The following IQCM variants were observed in gnomAD, a reference collection of about 807,000 sequenced individuals.
IQCM encodes the protein IQ domain-containing protein M.
Under a neutral mutation model 57.6 loss-of-function variants are expected in IQCM, and 45 were observed. That is an observed-to-expected ratio of 0.78 (90% confidence interval 0.62 to 1.00). The LOEUF (loss-of-function observed/expected upper bound fraction) is 1.00, where lower values mean the gene tolerates loss of function less well. Ranked by LOEUF, IQCM falls within the 50% of genes least tolerant of loss-of-function variation. IQCM has a pLI of 0.00. For missense variants in IQCM, 468 were observed against 511.6 expected (o/e 0.91, Z 0.82); for synonymous variants, 148 against 158.9 (o/e 0.93, Z 0.51).
At chr4:149,671,619 C>T (rs923008199) in intron 7 of IQCM, among the ~76,000 whole-genome samples, 74 of 152,158 alleles carry the variant, frequency 4.9e-4, no homozygotes, top group Non-Finnish European at 9.8e-4. Context: ...GCATTTAGTG[C>T]TATAAATTTC....
intron 7 of IQCM, among the ~76,000 whole-genome samples, chr4:149,659,119 C>T (rs10006050): frequency 0.62 from 94,552 of 151,772 alleles, 31,996 homozygotes; most frequent in African/African-American, 0.9. Flanking sequence ...ATTTTGTTGA[C>T]GCTTTCAAAA....
rs1223850092 is a variant in IQCM, at chr4:149,776,261, A to C, written c.-48-33522T>G. On this transcript the variant is annotated intron_variant, in intron 2 of 13. Transcript: ENST00000636793. The stretch of plus-strand genomic sequence containing the variant: ...GGCACACAATGCTTTGTAGTTTACT[A>C]AGTTGTTTCAAAAATCTATTTTCTT... Among the ~76,000 whole-genome samples the C allele has an allele frequency of 2.6e-5, 4 of 152,196 alleles. No individual in the cohort carries two copies. In the East Asian group the frequency reaches 7.7e-4, roughly 29 times the overall value.
intron 3 of IQCM, among the ~76,000 whole-genome samples, chr4:149,737,039 A>C (rs1021385754): frequency 1.3e-5 from 2 of 152,208 alleles, no homozygotes; most frequent in Non-Finnish European, 2.9e-5. Flanking sequence ...ACTACGGATA[A>C]ATTTCAAAAA....
At chr4:149,631,514 A>T (rs1757262514) in intron 7 of IQCM, among the ~76,000 whole-genome samples, 1 of 152,174 alleles carries the variant, frequency 6.6e-6, no homozygotes, top group African/African-American at 2.4e-5. Flanking sequence ...TTCCTCAACA[A>T]CAAAAGTTAT....
intron 5 of IQCM, among the ~76,000 whole-genome samples, chr4:149,728,734 T>C (rs1561206964): frequency 6.6e-6 from 1 of 152,318 alleles, no homozygotes. Flanking sequence ...ACAAGTTTGA[T>C]GAGCATCTAT....
Position 149,707,467 on chromosome 4 carries a change from G to C in IQCM, c.386-20999C>G, listed in dbSNP as rs558217905. Among the ~76,000 whole-genome samples the C allele has an allele frequency of 2.6e-5, 4 of 152,102 alleles. No individual in the cohort carries two copies. The East Asian group carries it at 7.7e-4, about 29-fold the overall frequency. ...AAATCATACTGGGTCTGCCACGAAT[G>C]TGAGGCTCTGGACACTCTTTGCTCT... On this transcript the variant is annotated intron_variant, in intron 5 of 13. Transcript: ENST00000636793.
At chr4:149,780,873 T>C (rs1346685498) in intron 2 of IQCM, among the ~76,000 whole-genome samples, 1 of 152,182 alleles carries the variant, frequency 6.6e-6, no homozygotes, top group East Asian at 1.9e-4. Flanking sequence ...TAAAATGGAA[T>C]GTATTAAATG....
At chr4:149,461,191 C>T (rs1738241786) in intron 12 of IQCM, among the ~76,000 whole-genome samples, 2 of 147,710 alleles carry the variant, frequency 1.4e-5, no homozygotes, top group South Asian at 2.1e-4. Flanking sequence ...CAAGATCGTG[C>T]CATTGCACTC....
intron 5 of IQCM, among the ~76,000 whole-genome samples, chr4:149,695,711 T>G (rs114859029): frequency 6.6e-6 from 1 of 152,030 alleles, no homozygotes; most frequent in Non-Finnish European, 1.5e-5. Context: ...TAATACATAA[T>G]AGATGAGATA....
chr4:149,709,443 T>A (rs1299193771), intron 5 of IQCM, among the ~76,000 whole-genome samples: 1 of 152,094 alleles, frequency 6.6e-6, no homozygotes, highest in African/African-American at 2.4e-5. Flanking sequence ...TATATACTCT[T>A]TTGAGTCTTT....
At chr4:149,729,843 A>C (rs568294445) in intron 5 of IQCM, among the ~76,000 whole-genome samples, 1 of 152,236 alleles carries the variant, frequency 6.6e-6, no homozygotes, top group South Asian at 2.1e-4. Context: ...TTTTTGCTGC[A>C]ATGTTAAGTA....
At chr4:149,746,405 T>C (rs1767941077) in intron 2 of IQCM, among the ~76,000 whole-genome samples, 1 of 152,210 alleles carries the variant, frequency 6.6e-6, no homozygotes. Flanking sequence ...CATTTCATTC[T>C]GGGACTGCTG....
intron 2 of IQCM, among the ~76,000 whole-genome samples, chr4:149,798,912 T>C (rs1773357407): frequency 6.6e-6 from 1 of 151,936 alleles, no homozygotes; most frequent in Admixed American, 6.6e-5. Context: ...ACGTTAAGCA[T>C]TGGACAGACT....
rs565627179 is a variant in IQCM at position 149,521,657 on chromosome 4, C to T, written c.1228+26798G>A. On this transcript the variant is annotated intron_variant, in intron 12 of 13. Transcript: ENST00000636793. ...CATAAGCTATTACTTAAGTATCTAA[C>T]AGCGACAGCATTAAAGGCTTCACTG... Among the ~76,000 whole-genome samples, 17 of 152,360 alleles carry T rather than the reference C, an allele frequency of 1.1e-4. No homozygotes were observed. The East Asian group carries it at 2.7e-3, about 24-fold the overall frequency.
chr4:149,561,316 G>A (rs1406497325), intron 10 of IQCM, among the ~76,000 whole-genome samples: 1 of 151,992 alleles, frequency 6.6e-6, no homozygotes, highest in African/African-American at 2.4e-5. Context: ...TTGTGCCAGA[G>A]GTTATGAATG....
At chr4:149,354,383 A>C (rs1361289784) in intron 13 of IQCM, among the ~76,000 whole-genome samples, 1 of 131,366 alleles carries the variant, frequency 7.6e-6, no homozygotes, top group Non-Finnish European at 1.6e-5. Flanking sequence ...AAAAAAAAAA[A>C]AAAAAACTGA....
intron 12 of IQCM, among the ~76,000 whole-genome samples, 168 bp from the exon 13 acceptor site, chr4:149,433,725 A>G (rs1017018016): frequency 1.3e-5 from 2 of 151,962 alleles, no homozygotes; most frequent in Non-Finnish European, 2.9e-5. Context: ...CTTCTTGTTA[A>G]TTCCAAGCAA....
At chr4:149,505,788 A>T (rs762634159) in intron 12 of IQCM, among the ~76,000 whole-genome samples, 11 of 152,284 alleles carry the variant, frequency 7.2e-5, no homozygotes, top group Non-Finnish European at 1.6e-4. Flanking sequence ...TAGAAAATCA[A>T]TATAAAAAAT....
intron 13 of IQCM, among the ~76,000 whole-genome samples, chr4:149,418,442 T>TA (rs1733904687): frequency 6.6e-6 from 1 of 152,064 alleles, no homozygotes; most frequent in South Asian, 2.1e-4. Context: ...ATTAAGGCAG[T>TA]AATAAATAGC....
Sources: allele counts gnomAD v4.1 joint callset (sites outside exome capture counted in the v4.1 genomes callset), GRCh38; gene constraint gnomAD v4.1.1; transcripts MANE v1.5; gene names NCBI Gene and HGNC (gene_info 2026-07-23, HGNC 2026-07-21).